ZNF37A: variants seen among roughly 807,000 people sequenced by gnomAD.
ZNF37A encodes zinc finger protein 37A.
Under a neutral mutation model 12.3 loss-of-function variants are expected in ZNF37A, and 10 were observed. That is an observed-to-expected ratio of 0.82 (90% CI 0.50 to 1.38). The LOEUF is 1.38. ZNF37A is among the 40% of genes most tolerant of loss of function. ZNF37A has a pLI of 0.00. For synonymous variants in ZNF37A, 207 were observed against 223.0 expected, an observed-to-expected ratio of 0.93 and a Z score of 0.64; for missense variants, 580 against 651.2, an observed-to-expected ratio of 0.89 and a Z score of 1.19.
intron 5 of ZNF37A, among the ~76,000 whole-genome samples, chr10:38,104,452 A>G (rs7085204): frequency 0.044 from 6,425 of 147,172 alleles, 192 homozygotes; most frequent in Non-Finnish European, 0.061. Context: ...CTTGATGCTG[A>G]GAGGTGTTTT....
At chr10:38,131,304 T>G (rs908001905) in intron 7 of ZNF37A, among the ~76,000 whole-genome samples, 3 of 152,214 alleles carry the variant, frequency 2.0e-5, no homozygotes, top group African/African-American at 2.4e-5. Flanking sequence ...TCCAGTGCTT[T>G]CTTCTGAGAG....
Position 38,118,436 on chromosome 10 carries a change from C to A in ZNF37A, c.1285C>A (p.His429Asn), listed in dbSNP as rs143681397. The A allele has an allele frequency of 3.9e-4, 637 of 1,613,890 alleles. No individual in the cohort carries two copies. Among genetic ancestry groups the A allele is most frequent in the Non-Finnish European group, 5.3e-4 (621 of 1,179,994 alleles). ...CTCTGAGAAGTCAACCCTTACTAAA[C>A]ATCTAAGAACTCACACAGGTGAGAA... ...SFSEKSTLTK[H>N]LRTHTGEKPY... The change falls in exon 8 of 8, where the codon CAT becomes AAT. Residue 429 changes from histidine to asparagine, a missense_variant. Transcript: ENST00000685332.
chr10:38,098,599 A>G (rs768520857), intron 5 of ZNF37A, among the ~76,000 whole-genome samples: 2 of 152,026 alleles, frequency 1.3e-5, no homozygotes, highest in Non-Finnish European at 2.9e-5. Flanking sequence ...TCTTTCCTTC[A>G]TTAATGTTTT....
At chr10:38,106,390 A>G (rs1337231600) in intron 5 of ZNF37A, among the ~76,000 whole-genome samples, 1 of 152,210 alleles carries the variant, frequency 6.6e-6, no homozygotes, top group Non-Finnish European at 1.5e-5. Flanking sequence ...AGATGGGGAG[A>G]AACCAGCACA....
In ZNF37A at chr10:38,116,565, A is replaced by G. The variant is rs2069286188; in HGVS notation, c.239-825A>G. Among the ~76,000 whole-genome samples, 4 of 152,310 alleles carry G rather than the reference A, an allele frequency of 2.6e-5. No individual in the cohort carries two copies. In the South Asian group the frequency reaches 6.2e-4, roughly 24 times the overall value. On this transcript the variant is annotated intron_variant, in intron 7 of 7. Transcript: ENST00000685332. ...GAAATATATTCACTCTAGACTTGTA[A>G]AAGAATGGCTTGGTTCTAATCTGAA...
At chr10:38,111,494 A>G (rs1232045760) in intron 5 of ZNF37A, among the ~76,000 whole-genome samples, 1 of 152,128 alleles carries the variant, frequency 6.6e-6, no homozygotes, top group Non-Finnish European at 1.5e-5. Flanking sequence ...TAAAAAAAAA[A>G]AACTGTTGAC....
At chr10:38,096,427 T>C in intron 4 of ZNF37A, 147 bp from the exon 5 acceptor site, 1 of 516,088 alleles carries the variant, frequency 1.9e-6, no homozygotes, top group Non-Finnish European at 3.4e-6. Context: ...TTTTTACATT[T>C]GAAAACTAAT....
intron 7 of ZNF37A, chr10:38,138,617 G>A (rs555793292): frequency 1.3e-5 from 2 of 152,178 alleles, no homozygotes; most frequent in East Asian, 3.9e-4. Flanking sequence ...AATGGGGTGT[G>A]AGAATGTAAG....
At chr10:38,109,904 A>C (rs1019672404) in intron 5 of ZNF37A, among the ~76,000 whole-genome samples, 1 of 152,232 alleles carries the variant, frequency 6.6e-6, no homozygotes, top group South Asian at 2.1e-4. Flanking sequence ...TATTGTGAAA[A>C]TGGGCATATT....
intron 7 of ZNF37A, among the ~76,000 whole-genome samples, chr10:38,135,808 T>A (rs1274778794): frequency 6.6e-6 from 1 of 152,024 alleles, no homozygotes; most frequent in Non-Finnish European, 1.5e-5. Flanking sequence ...TTGTGAGAAA[T>A]CACTCTCACA....
chr10:38,115,382 T>C (rs1435158748), intron 7 of ZNF37A, 92 bp downstream of exon 7: 1 of 1,498,666 alleles, frequency 6.7e-7, no homozygotes, highest in East Asian at 2.5e-5. Context: ...TCTTTAGGAA[T>C]CATGTTTTAG....
rs1391781498 is a variant in ZNF37A at position 38,095,603 on chromosome 10, A to G, written c.-132A>G. ...ACGGATGCCCCCATCTTGATCTTAC[A>G]GAATCAGAGGTACAGCCGCGAGAAA... On this transcript the variant is annotated 5_prime_UTR_variant, in exon 3 of 8. Transcript: ENST00000685332. 1 of 152,220 alleles carries G rather than the reference A, an allele frequency of 6.6e-6. No individual in the cohort carries two copies. The highest frequency in any genetic ancestry group is 2.4e-5 in the African/African-American group (1 of 41,452). The allele number at this position is 152,220 out of a possible 1,614,324, so 9.4% of individuals were successfully genotyped here. A position where few individuals can be genotyped will look rare whatever the true frequency, so the allele number is the denominator to read the frequency against.
chr10:38,145,085 C>T (rs1484962495), intron 7 of ZNF37A, among the ~76,000 whole-genome samples: 1 of 152,142 alleles, frequency 6.6e-6, no homozygotes, highest in Non-Finnish European at 1.5e-5. Context: ...CCTTCTCACT[C>T]CTTCACACCT....
chr10:38,112,802 T>TGGTCTCGGTCTCGGTCTCGGTCTCG (rs148186182), intron 5 of ZNF37A, among the ~76,000 whole-genome samples: 13 of 69,058 alleles, frequency 1.9e-4, no homozygotes, highest in Non-Finnish European at 2.9e-4. Flanking sequence ...TTTCTTGTCT[T>TGGTCTCGGTCTCGGTCTCGGTCTCG]GTCTTGTCTT....
rs1340070678 is a variant in ZNF37A, at chr10:38,121,944, A to G, written c.*3107A>G. Reference sequence around the variant, plus strand: ...GAATCATCTCATGTACCTGACAGTAAGAAAATACTCTGGCTGGTCTCAGTG... The same window carrying G: ...GAATCATCTCATGTACCTGACAGTAGGAAAATACTCTGGCTGGTCTCAGTG... On this transcript the variant is annotated 3_prime_UTR_variant, in exon 8 of 8. Coordinates refer to ENST00000685332, the MANE Select transcript of ZNF37A (RefSeq NM_001324250.3). 1.3e-5 allele frequency: 2 copies of G among 152,170 alleles called. No individual in the cohort carries two copies. Among genetic ancestry groups the G allele is most frequent in the African/African-American group, 4.8e-5 (2 of 41,422 alleles). 9.4% of individuals were successfully genotyped at this position (152,170 alleles called of 1,614,324 possible).
chr10:38,106,393 C>T (rs61838221), intron 5 of ZNF37A, among the ~76,000 whole-genome samples: 1,982 of 152,276 alleles, frequency 0.013, 20 homozygotes, highest in Non-Finnish European at 0.02. Flanking sequence ...TGGGGAGAAA[C>T]CAGCACAAAA....
rs777231606 is a variant in ZNF37A, at chr10:38,114,891, A to G, written c.142+10A>G. On this transcript the variant is annotated intron_variant, in intron 6 of 7. Transcript: ENST00000685332. Reference sequence around the variant, plus strand: ...CACCTTGTCTCAGTAGGTAGGTAGGAATTGTTTCCCATGTAGAAGGCCAGA... The same window carrying G: ...CACCTTGTCTCAGTAGGTAGGTAGGGATTGTTTCCCATGTAGAAGGCCAGA... 1.2e-6 allele frequency: 2 copies of G among 1,604,450 alleles called. No individual in the cohort carries two copies. Among genetic ancestry groups the G allele is most frequent in the Non-Finnish European group, 1.7e-6 (2 of 1,176,384 alleles).
At chr10:38,146,624 G>T (rs1186226087) in intron 7 of ZNF37A, 1 of 392,424 alleles carries the variant, frequency 2.5e-6, no homozygotes, top group Non-Finnish European at 4.5e-6. Context: ...AAATGCAGTA[G>T]ATCCATATAG....
At chr10:38,109,208 A>C (rs1242696078) in intron 5 of ZNF37A, among the ~76,000 whole-genome samples, 2 of 152,220 alleles carry the variant, frequency 1.3e-5, no homozygotes, top group African/African-American at 2.4e-5. Context: ...TACTCCTTTC[A>C]TCACATAAAC....
Sources: allele counts gnomAD v4.1 joint callset (sites outside exome capture counted in the v4.1 genomes callset), GRCh38; gene constraint gnomAD v4.1.1; transcripts MANE v1.5; gene names NCBI Gene and HGNC (gene_info 2026-07-23, HGNC 2026-07-21).